The following CEP120 variants were observed in gnomAD, a reference collection of about 807,000 sequenced individuals.
CEP120 encodes the protein centrosomal protein of 120 kDa.
A neutral mutation model predicts 126.5 loss-of-function variants in CEP120; 113 were observed. The ratio of observed to expected loss-of-function variants is 0.89; its 90% confidence interval spans 0.77 to 1.04. CEP120 has a LOEUF of 1.04. Ranked by LOEUF, CEP120 falls within the 50% of genes least tolerant of loss-of-function variation. The probability of loss-of-function intolerance (pLI) is 0.00; values close to 1 mark genes in which losing one functional copy is unlikely to be tolerated. For synonymous variants in CEP120, 400 were observed against 394.3 expected (o/e 1.01, Z -0.17); for missense variants, 1,230 against 1,155.7 (o/e 1.06, Z -0.93).
intron 18 of CEP120, among the ~76,000 whole-genome samples, chr5:123,363,915 C>G (rs1770267565): frequency 6.6e-6 from 1 of 151,446 alleles, no homozygotes. Context: ...TTCATAATTT[C>G]TTCAAATGAT....
rs969535640 is a variant in CEP120 at position 123,372,866 on chromosome 5, C to T, written c.2359-94G>A. The T allele has an allele frequency of 3.9e-5, 37 of 959,726 alleles. No individual in the cohort carries two copies. The African/African-American group carries it at 5.9e-4, about 15-fold the overall frequency. The allele number at this position is 959,726 out of a possible 1,614,324, so 59.5% of individuals were successfully genotyped here. On this transcript the variant is annotated intron_variant, in intron 16 of 19. Transcript: ENST00000306467. ...CAACAAGGTCTTTTTTTTTATTCTA[C>T]AGCATGCTCATAGTAGAAAATCTGG... is the stretch of plus-strand genomic sequence containing the variant.
chr5:123,376,007 A>T (rs1192356988), intron 16 of CEP120, among the ~76,000 whole-genome samples: 7 of 138,490 alleles, frequency 5.1e-5, no homozygotes, highest in South Asian at 2.2e-4. Flanking sequence ...TTTTTTTTTT[A>T]GCAAATATTT....
At chr5:123,349,249 T>C (rs898525481) in intron 19 of CEP120, among the ~76,000 whole-genome samples, 2 of 152,176 alleles carry the variant, frequency 1.3e-5, no homozygotes, top group South Asian at 4.1e-4. Flanking sequence ...ATTTACTAGC[T>C]ACATGATCTT....
At chr5:123,409,066 T>C (rs375772746) in intron 4 of CEP120, among the ~76,000 whole-genome samples, 1 of 152,024 alleles carries the variant, frequency 6.6e-6, no homozygotes, top group East Asian at 1.9e-4. Context: ...GAAAGAAAAA[T>C]AATTATACAC....
chr5:123,357,574 A>C (rs886388873), intron 18 of CEP120, among the ~76,000 whole-genome samples: 1 of 152,120 alleles, frequency 6.6e-6, no homozygotes, highest in South Asian at 2.1e-4. Context: ...ACAGATGAAG[A>C]AATGTAAGTG....
At chr5:123,413,729 G>C (rs1317389749) in intron 3 of CEP120, among the ~76,000 whole-genome samples, 3 of 152,124 alleles carry the variant, frequency 2.0e-5, no homozygotes, top group African/African-American at 7.2e-5. Context: ...ATAGAATTAA[G>C]TAGGCCAAAG....
chr5:123,388,757 C>A (rs1772190721), intron 8 of CEP120, 151 bp from the exon 9 acceptor site: 4 of 509,758 alleles, frequency 7.8e-6, no homozygotes, highest in Non-Finnish European at 1.3e-5. Context: ...GTATAAGTAT[C>A]TTAAAAGTAA....
Position 123,423,342 on chromosome 5 carries a change from C to T in CEP120, c.-344G>A. 2.8e-6 allele frequency: 1 copy of T among 354,490 alleles called. No individual in the cohort carries two copies. Among genetic ancestry groups the T allele is most frequent in the Non-Finnish European group, 5.2e-6 (1 of 192,932 alleles). 22.0% of individuals were successfully genotyped at this position (354,490 alleles called of 1,614,324 possible). A position where few individuals can be genotyped will look rare whatever the true frequency, so the allele number is the denominator to read the frequency against. On this transcript the variant is annotated 5_prime_UTR_variant, in exon 1 of 20. Transcript: ENST00000306467. ...GGCGGCCGCAGCGGCCGCCGCCGCGCCCAGCTTCCGCCTAGCAACCAGGCC... is the reference window on the plus strand; with the variant it reads ...GGCGGCCGCAGCGGCCGCCGCCGCGTCCAGCTTCCGCCTAGCAACCAGGCC...
intron 6 of CEP120, 59 bp from the exon 7 acceptor site, chr5:123,391,396 T>C: frequency 7.8e-7 from 1 of 1,288,794 alleles, no homozygotes; most frequent in Non-Finnish European, 1.1e-6. Context: ...CTCCTAAATA[T>C]CATAAACTTA....
chr5:123,384,977 T>G lies in CEP120; in HGVS notation c.1737A>C (p.Glu579Asp). The G allele has an allele frequency of 6.2e-7, 1 of 1,611,674 alleles. No homozygotes were observed. The highest frequency in any genetic ancestry group is 2.2e-5 in the East Asian group (1 of 44,780). Reference sequence around the variant, plus strand: ...CTTGTGCTGCTATAACAGGCACACTTTCACTGTAAGTTTGACGCCAACACT... The same window carrying G: ...CTTGTGCTGCTATAACAGGCACACTGTCACTGTAAGTTTGACGCCAACACT... ...GEQCWRQTYS[E>D]SVPVIAAQGS... The change falls in exon 11 of 20, where the codon GAA becomes GAC. Residue 579 changes from glutamate (E) to aspartate (D), a missense_variant. Glu to Asp is a conservative substitution (Grantham distance 45). Coordinates refer to ENST00000306467, the MANE Select transcript of CEP120 (RefSeq NM_001375405.1).
intron 6 of CEP120, among the ~76,000 whole-genome samples, chr5:123,391,549 A>G (rs890884742): frequency 1.4e-4 from 21 of 152,196 alleles, no homozygotes; most frequent in African/African-American, 5.1e-4. Context: ...ACTCAATAAT[A>G]GCTATTACCT....
chr5:123,423,052 T>C lies in CEP120; in HGVS notation c.-54A>G, dbSNP rs1580754615. On this transcript the variant is annotated 5_prime_UTR_variant, in exon 1 of 20. Coordinates refer to ENST00000306467, the MANE Select transcript of CEP120 (RefSeq NM_001375405.1). ...GCGGCTGGGGGGAAGTGAGGTCCAG[T>C]TGAGTCGCGGGTAATCCGGGACCCC... The C allele has an allele frequency of 3.3e-6, 5 of 1,504,604 alleles. No individual in the cohort carries two copies. In the East Asian group the frequency reaches 1.1e-4, roughly 34 times the overall value. 93.2% of individuals were successfully genotyped at this position (1,504,604 alleles called of 1,614,324 possible).
At chr5:123,403,445 C>A in intron 4 of CEP120, 1 of 378,176 alleles carries the variant, frequency 2.6e-6, no homozygotes, top group Non-Finnish European at 5.1e-6. Context: ...AACAATTAAG[C>A]GTAGTTAAAT....
chr5:123,373,559 A>G (rs568197510), intron 16 of CEP120, among the ~76,000 whole-genome samples: 1 of 152,198 alleles, frequency 6.6e-6, no homozygotes, highest in East Asian at 1.9e-4. Flanking sequence ...CTTTTACTAG[A>G]CTACTTTGAG....
rs1254444170 is a variant in CEP120 at position 123,388,620 on chromosome 5, A to G, written c.1256-14T>C. ...CAGAAGAACTGGCTGAAATGAACAT[A>G]AAATAAAACAAAATAATCACACTTG... On this transcript the variant is annotated splice_polypyrimidine_tract_variant and intron_variant, in intron 8 of 19. Transcript: ENST00000306467. The G allele has an allele frequency of 8.6e-6, 13 of 1,516,890 alleles. No homozygotes were observed. Among genetic ancestry groups the G allele is most frequent in the Non-Finnish European group, 1.1e-5 (13 of 1,133,126 alleles). The allele number at this position is 1,516,890 out of a possible 1,614,324, so 94.0% of individuals were successfully genotyped here. A position where few individuals can be genotyped will look rare whatever the true frequency, so the allele number is the denominator to read the frequency against.
At chr5:123,365,824 C>T (rs1193462604) in intron 17 of CEP120, among the ~76,000 whole-genome samples, 1 of 151,244 alleles carries the variant, frequency 6.6e-6, no homozygotes, top group Non-Finnish European at 1.5e-5. Context: ...TTCAATTATA[C>T]AAGCAATCAT....
Position 123,350,051 on chromosome 5 carries a change from C to T in CEP120, c.2619G>A (p.Gln873=). 6.2e-7 allele frequency: 1 copy of T among 1,613,222 alleles called. No homozygotes were observed. The highest frequency in any genetic ancestry group is 8.5e-7 in the Non-Finnish European group (1 of 1,179,716). The change falls in exon 19 of 20, where the codon CAG becomes CAA. Residue 873 remains glutamine (Q), a synonymous_variant. Transcript: ENST00000306467. ...QESQMARLKK[Q]QEELEQMRLR... ...GTCTCATCTGTTCCAATTCTTCCTG[C>T]TGTTTTTTAAGACGAGCCATTTGAC...
chr5:123,355,673 T>C (rs1769551746), intron 18 of CEP120, among the ~76,000 whole-genome samples: 2 of 152,174 alleles, frequency 1.3e-5, no homozygotes, highest in South Asian at 2.1e-4. Flanking sequence ...TTGTAGATTC[T>C]GGATATTAGC....
intron 18 of CEP120, among the ~76,000 whole-genome samples, chr5:123,362,225 G>T (rs371196370): frequency 1.3e-5 from 2 of 151,542 alleles, no homozygotes; most frequent in South Asian, 4.1e-4. Context: ...ACCAGACCTG[G>T]TCTCTCTTGT....
Sources: gnomAD v4.1 joint callset for allele counts (sites outside exome capture counted in the v4.1 genomes callset) on GRCh38, gnomAD v4.1.1 for gene constraint, MANE v1.5 for transcripts, NCBI Gene and HGNC (gene_info 2026-07-23, HGNC 2026-07-21) for gene names.